The following MCTP2 variants were observed in gnomAD, a reference collection of about 807,000 sequenced individuals.
MCTP2 encodes the protein multiple C2 and transmembrane domain containing 2.
Under a neutral mutation model 111.6 loss-of-function variants are expected in MCTP2, and 132 were observed. The ratio of observed to expected loss-of-function variants is 1.18; its 90% CI spans 1.03 to 1.37. The LOEUF (loss-of-function observed/expected upper bound fraction) is 1.37. Among genes scored for constraint, MCTP2 ranks in the 40% most tolerant of loss-of-function variants. The pLI, the probability that MCTP2 is intolerant of heterozygous loss-of-function variation, is 0.00. For synonymous variants in MCTP2, 395 were observed against 387.7 expected, an observed-to-expected ratio of 1.02 and a Z score of -0.22; for missense variants, 1,183 against 1,067.9, an observed-to-expected ratio of 1.11 and a Z score of -1.50.
At chr15:94,426,609 A>G (rs749291532) in intron 17 of MCTP2, among the ~76,000 whole-genome samples, 2 of 152,054 alleles carry the variant, frequency 1.3e-5, no homozygotes, top group Admixed American at 6.5e-5. Flanking sequence ...TATGGATTAT[A>G]ATTATTTTAA....
intron 1 of MCTP2, among the ~76,000 whole-genome samples, chr15:94,263,715 G>A (rs920361385): frequency 6.6e-6 from 1 of 152,184 alleles, no homozygotes; most frequent in East Asian, 1.9e-4. Context: ...CAGTTTGAGA[G>A]CTGAAACAAG....
intron 1 of MCTP2, among the ~76,000 whole-genome samples, chr15:94,259,406 G>C (rs1008022133): frequency 6.6e-6 from 1 of 152,156 alleles, no homozygotes; most frequent in African/African-American, 2.4e-5. Context: ...TTAACTGCTA[G>C]TTCATAAATC....
At chr15:94,333,352 G>A (rs1410099053) in intron 4 of MCTP2, among the ~76,000 whole-genome samples, 1 of 152,032 alleles carries the variant, frequency 6.6e-6, no homozygotes, top group Non-Finnish European at 1.5e-5. Context: ...ATATAAATTT[G>A]AAGTACATAT....
chr15:94,368,511 A>G (rs749444219), intron 11 of MCTP2, among the ~76,000 whole-genome samples: 1 of 152,208 alleles, frequency 6.6e-6, no homozygotes, highest in Non-Finnish European at 1.5e-5. Flanking sequence ...TGAAGCAAAG[A>G]TGAATCCCTA....
rs7165475 is a variant in MCTP2 at position 94,370,299 on chromosome 15, A to C, written c.1582+119A>C. On this transcript the variant is annotated intron_variant, in intron 12 of 22. Transcript: ENST00000357742. ...TGACTATAACAGTCATGCTCCTTCAAATAGAGTCATAGCAAAAAAGAGGCA... is the reference window on the plus strand; with the variant it reads ...TGACTATAACAGTCATGCTCCTTCACATAGAGTCATAGCAAAAAAGAGGCA... 6.1e-3 allele frequency: 4,145 copies of C among 682,592 alleles called. 137 individuals are homozygous for C. In the African/African-American group the frequency reaches 0.068, roughly 11 times the overall value. 42.3% of individuals were successfully genotyped at this position (682,592 alleles called of 1,614,324 possible).
intron 10 of MCTP2, among the ~76,000 whole-genome samples, chr15:94,363,912 G>C (rs372503688): frequency 2.0e-4 from 30 of 152,062 alleles, no homozygotes; most frequent in East Asian, 1.2e-3. Context: ...TCCTTATATA[G>C]ATGCCCTGCG....
intron 17 of MCTP2, among the ~76,000 whole-genome samples, chr15:94,438,919 G>A (rs759193083): frequency 2.0e-4 from 31 of 152,022 alleles, no homozygotes; most frequent in Non-Finnish European, 3.7e-4. Flanking sequence ...TTTTTTGTAG[G>A]AGTAATGAAA....
intron 16 of MCTP2, among the ~76,000 whole-genome samples, chr15:94,400,789 A>T (rs1596590616): frequency 6.6e-6 from 1 of 151,978 alleles, no homozygotes; most frequent in African/African-American, 2.4e-5. Context: ...GCAGCTGTGG[A>T]TTACATAAAG....
chr15:94,417,964 A>G (rs1456721188), intron 17 of MCTP2, among the ~76,000 whole-genome samples: 2 of 152,088 alleles, frequency 1.3e-5, no homozygotes, highest in Non-Finnish European at 2.9e-5. Context: ...GCCAGAAATA[A>G]AGCTGCAAGT....
chr15:94,236,377 C>CTTTTTTTTTTTTTTTTTTTTTTTTTTT (rs71132992), intron 1 of MCTP2, among the ~76,000 whole-genome samples: 2 of 72,516 alleles, frequency 2.8e-5, no homozygotes, highest in African/African-American at 5.3e-5. Context: ...TCTTTTTTTT[C>CTTTTTTTTTTTTTTTTTTTTTTTTTTT]TTTTTTTTTT....
rs758046855 is a variant in MCTP2 at position 94,479,076 on chromosome 15, T to C, written c.*42T>C. 3.8e-6 allele frequency: 6 copies of C among 1,593,432 alleles called. No individual in the cohort carries two copies. The highest frequency in any genetic ancestry group is 4.3e-6 in the Non-Finnish European group (5 of 1,161,426). Reference sequence around the variant, plus strand: ...GGACAGCAGCACCCAATATTGTGTTTGGTTGAGTAGACCAATGTTATGGCT... The same window carrying C: ...GGACAGCAGCACCCAATATTGTGTTCGGTTGAGTAGACCAATGTTATGGCT... On this transcript the variant is annotated 3_prime_UTR_variant, in exon 23 of 23. Transcript: ENST00000357742.
At chr15:94,343,848 A>G (rs2077802456) in intron 7 of MCTP2, 1 of 152,214 alleles carries the variant, frequency 6.6e-6, no homozygotes, top group African/African-American at 2.4e-5. Context: ...GGGTAGAGAC[A>G]CTCAATATAT....
intron 4 of MCTP2, among the ~76,000 whole-genome samples, chr15:94,328,481 C>T (rs570754736): frequency 1.3e-5 from 2 of 152,250 alleles, no homozygotes; most frequent in East Asian, 1.9e-4. Flanking sequence ...TCAAGTCACT[C>T]TTTTAATGTA....
intron 11 of MCTP2, among the ~76,000 whole-genome samples, chr15:94,369,047 C>T (rs192926842): frequency 2.0e-5 from 3 of 152,266 alleles, no homozygotes; most frequent in South Asian, 2.1e-4. Context: ...GAGGACAGAT[C>T]CTCTTTAAAG....
Position 94,299,940 on chromosome 15 carries a change from C to T in MCTP2, c.465+1210C>T, listed in dbSNP as rs2075519933. 3.3e-5 allele frequency among the ~76,000 whole-genome samples: 5 copies of T among 152,128 alleles called. No homozygotes were observed. In the South Asian group the frequency reaches 1.0e-3, roughly 32 times the overall value. Reference sequence around the variant, plus strand: ...TTAACTATTTTTTTATTTGGCATTACGTTTTATAAAACCCATTTTGTAAAC... The same window carrying T: ...TTAACTATTTTTTTATTTGGCATTATGTTTTATAAAACCCATTTTGTAAAC... On this transcript the variant is annotated intron_variant, in intron 2 of 22. Transcript: ENST00000357742.
At chr15:94,376,938 T>C (rs1000706658) in intron 12 of MCTP2, among the ~76,000 whole-genome samples, 1 of 152,208 alleles carries the variant, frequency 6.6e-6, no homozygotes, top group Non-Finnish European at 1.5e-5. Flanking sequence ...GTTGTTGTTA[T>C]ACAAAAAAGT....
chr15:94,386,078 G>A (rs1211025255), intron 14 of MCTP2, among the ~76,000 whole-genome samples: 4 of 151,986 alleles, frequency 2.6e-5, no homozygotes, highest in African/African-American at 7.3e-5. Flanking sequence ...AAGAGTTTTC[G>A]CAGTCCAGCT....
intron 17 of MCTP2, among the ~76,000 whole-genome samples, chr15:94,421,940 T>C (rs1204212523): frequency 1.3e-5 from 2 of 152,152 alleles, no homozygotes; most frequent in African/African-American, 4.8e-5. Context: ...TCCTGAAGGA[T>C]AAGGATTTCT....
intron 6 of MCTP2, 150 bp downstream of exon 6, chr15:94,340,425 T>C (rs1255733219): frequency 7.9e-6 from 5 of 635,874 alleles, no homozygotes; most frequent in Admixed American, 3.3e-5. Context: ...GTCAGTGTAT[T>C]TTTAAGGATT....
Sources: allele counts gnomAD v4.1 joint callset (sites outside exome capture counted in the v4.1 genomes callset), GRCh38; gene constraint gnomAD v4.1.1; transcripts MANE v1.5; gene names NCBI Gene and HGNC (gene_info 2026-07-23, HGNC 2026-07-21).